Variants in GMPR observed in about 807,000 individuals in gnomAD.
GMPR encodes the protein GMP reductase 1.
A neutral mutation model predicts 38.4 loss-of-function variants in GMPR; 31 were observed. That is an observed-to-expected ratio of 0.81 (90% CI 0.61 to 1.09). The LOEUF (loss-of-function observed/expected upper bound fraction) is 1.09. GMPR is among the 50% of genes least tolerant of loss of function. The pLI is 0.00. For synonymous variants in GMPR, 162 were observed against 173.3 expected (o/e 0.93, Z 0.51); for missense variants, 468 against 453.7 (o/e 1.03, Z -0.29).
At chr6:16,266,836 C>A (rs768340646) in intron 4 of GMPR, among the ~76,000 whole-genome samples, 1 of 151,248 alleles carries the variant, frequency 6.6e-6, no homozygotes, top group African/African-American at 2.4e-5. Flanking sequence ...CTGTGAAGGT[C>A]GTGGCTTCAC....
At chr6:16,258,837 T>C (rs973481867) in intron 4 of GMPR, among the ~76,000 whole-genome samples, 5 of 152,142 alleles carry the variant, frequency 3.3e-5, no homozygotes, top group Non-Finnish European at 5.9e-5. Context: ...TGATGTAATA[T>C]GAGGGCTGAG....
chr6:16,263,968 G>A (rs1021096294), intron 4 of GMPR, among the ~76,000 whole-genome samples: 17 of 151,832 alleles, frequency 1.1e-4, no homozygotes, highest in Non-Finnish European at 1.9e-4. Context: ...CCAGAAAGGC[G>A]GAGAAGGGAT....
chr6:16,266,153 ACTT>A (rs1759212285), intron 4 of GMPR, among the ~76,000 whole-genome samples: 1 of 122,390 alleles, frequency 8.2e-6, no homozygotes, highest in Non-Finnish European at 1.6e-5. Context: ...GAGCTGTAAC[ACTT>A]GCCATCTTTA....
chr6:16,238,876 C>T (rs1364713981), intron 1 of GMPR, 96 bp downstream of exon 1: 3 of 515,638 alleles, frequency 5.8e-6, no homozygotes, highest in African/African-American at 2.0e-5. Flanking sequence ...GTTACCCTGC[C>T]TGCTTTGGTG....
Position 16,263,694 on chromosome 6 carries a change from G to A in GMPR, c.465+8959G>A, listed in dbSNP as rs564685518. On this transcript the variant is annotated intron_variant, in intron 4 of 8. Coordinates refer to ENST00000259727, the MANE Select transcript of GMPR (RefSeq NM_006877.4). Reference sequence around the variant, plus strand: ...TCAGGGCACAGAAATAAGGGATTGGGGTGCAGAGATAAGAGGTCAGGGCAC... The same window carrying A: ...TCAGGGCACAGAAATAAGGGATTGGAGTGCAGAGATAAGAGGTCAGGGCAC... Among the ~76,000 whole-genome samples, 9 of 147,314 alleles carry A rather than the reference G, an allele frequency of 6.1e-5. No individual in the cohort carries two copies. The South Asian group carries it at 1.8e-3, about 30-fold the overall frequency.
chr6:16,261,683 C>T (rs931028846), intron 4 of GMPR, among the ~76,000 whole-genome samples: 3 of 151,978 alleles, frequency 2.0e-5, no homozygotes, highest in Non-Finnish European at 4.4e-5. Flanking sequence ...CATGCTGTAG[C>T]AGGCGAGTGA....
At chr6:16,292,628 C>T (rs1008086940) in intron 8 of GMPR, among the ~76,000 whole-genome samples, 1 of 152,136 alleles carries the variant, frequency 6.6e-6, no homozygotes, top group Non-Finnish European at 1.5e-5. Flanking sequence ...CAACTGTTGT[C>T]ATCATCCAAG....
chr6:16,274,644 T>A, intron 5 of GMPR, 148 bp downstream of exon 5: 1 of 599,544 alleles, frequency 1.7e-6, no homozygotes, highest in East Asian at 2.8e-5. Flanking sequence ...ATAATTGAGC[T>A]TCTCGGGGAA....
rs1184094790 is a variant in GMPR at position 16,254,598 on chromosome 6, C to G, written c.328C>G (p.Leu110Val). Reference protein sequence around the residue: ...AVSSGSGQNDLEKMTSILEAV... With the variant: ...AVSSGSGQNDVEKMTSILEAV... ...GAGTTCAGGCAGTGGGCAGAATGATCTGGAAAAGATGACCAGCATCCTGGA... is the reference window on the plus strand; with the variant it reads ...GAGTTCAGGCAGTGGGCAGAATGATGTGGAAAAGATGACCAGCATCCTGGA... Residue 110 changes from leucine to valine, a missense_variant, in exon 4 of 9, where the codon CTG (leucine) becomes GTG (valine). Physicochemically the swap from Leu to Val is conservative, Grantham distance 32. Coordinates refer to ENST00000259727, the MANE Select transcript of GMPR (RefSeq NM_006877.4). The G allele has an allele frequency of 1.2e-6, 2 of 1,613,962 alleles. No individual in the cohort carries two copies. The highest frequency in any genetic ancestry group is 2.7e-5 in the African/African-American group (2 of 74,914).
intron 4 of GMPR, among the ~76,000 whole-genome samples, chr6:16,261,885 G>A (rs916148011): frequency 4.6e-5 from 7 of 151,884 alleles, no homozygotes; most frequent in Non-Finnish European, 8.8e-5. Context: ...CTTTGGATTG[G>A]GAAGAAGGGC....
chr6:16,266,492 C>T lies in GMPR; in HGVS notation c.466-7923C>T, dbSNP rs777906282. Among the ~76,000 whole-genome samples, 6 of 69,442 alleles carry T rather than the reference C, an allele frequency of 8.6e-5. No individual in the cohort carries two copies. The East Asian group carries it at 1.4e-3, about 17-fold the overall frequency. The allele number at this position is 69,442 out of a possible 152,430, so 45.6% of individuals were successfully genotyped here. ...CTTCCTGTGGAAAAGGTGGCACGTC[C>T]GACGTGCCACCTTTAAGAGCTGTAA... On this transcript the variant is annotated intron_variant, in intron 4 of 8. Coordinates refer to ENST00000259727, the MANE Select transcript of GMPR (RefSeq NM_006877.4).
At chr6:16,282,764 G>A (rs1232026218) in intron 6 of GMPR, among the ~76,000 whole-genome samples, 1 of 149,026 alleles carries the variant, frequency 6.7e-6, no homozygotes, top group Non-Finnish European at 1.5e-5. Context: ...TTTCCTTTTT[G>A]TTTTTTCATT....
intron 4 of GMPR, among the ~76,000 whole-genome samples, chr6:16,269,027 G>C (rs1759329243): frequency 6.6e-6 from 1 of 151,624 alleles, no homozygotes; most frequent in African/African-American, 2.4e-5. Context: ...TTTTATTTCT[G>C]TTTTCTATGT....
chr6:16,244,219 T>C (rs1344332357), intron 1 of GMPR, among the ~76,000 whole-genome samples: 1 of 151,062 alleles, frequency 6.6e-6, no homozygotes, highest in Admixed American at 6.6e-5. Flanking sequence ...ACTTTTTTTT[T>C]TTTTTTTTTT....
At chr6:16,255,070 G>C (rs947472900) in intron 4 of GMPR, among the ~76,000 whole-genome samples, 1 of 151,378 alleles carries the variant, frequency 6.6e-6, no homozygotes, top group African/African-American at 2.4e-5. Flanking sequence ...GGAGTACAGT[G>C]GGGTGATCTC....
intron 7 of GMPR, among the ~76,000 whole-genome samples, chr6:16,287,772 G>T (rs1456653113): frequency 6.6e-6 from 1 of 152,172 alleles, no homozygotes; most frequent in Non-Finnish European, 1.5e-5. Flanking sequence ...AAAGGGGAGG[G>T]TCTTAAGAGG....
At chr6:16,289,740 CAG>C (rs70999318) in intron 7 of GMPR, among the ~76,000 whole-genome samples, 9,542 of 150,732 alleles carry the variant, frequency 0.063, 359 homozygotes, top group Middle Eastern at 0.089. Flanking sequence ...CAGGGAGTGT[CAG>C]AGTGTGGAGA....
intron 3 of GMPR, among the ~76,000 whole-genome samples, chr6:16,251,354 T>C (rs1263016798): frequency 1.3e-5 from 2 of 152,222 alleles, no homozygotes; most frequent in Non-Finnish European, 2.9e-5. Flanking sequence ...GTGGATCACC[T>C]GAGGTCGGGA....
chr6:16,284,338 C>A (rs1759634876), intron 6 of GMPR, among the ~76,000 whole-genome samples: 1 of 152,202 alleles, frequency 6.6e-6, no homozygotes, highest in Non-Finnish European at 1.5e-5. Flanking sequence ...TTGAGATGTT[C>A]TTCACAAGGT....
Sources: gnomAD v4.1 joint callset for allele counts (sites outside exome capture counted in the v4.1 genomes callset) on GRCh38, gnomAD v4.1.1 for gene constraint, MANE v1.5 for transcripts, NCBI Gene and HGNC (gene_info 2026-07-23, HGNC 2026-07-21) for gene names.